DAB2IP: variants seen among roughly 807,000 people sequenced by gnomAD.
DAB2IP encodes the protein disabled homolog 2-interacting protein.
DAB2IP carries 28 observed loss-of-function variants against 107.2 expected under a neutral mutation model. That is an observed-to-expected ratio of 0.26 (90% CI 0.19 to 0.36). The LOEUF (loss-of-function observed/expected upper bound fraction) is 0.36. Among genes scored for constraint, DAB2IP ranks in the 10% least tolerant of loss-of-function variants. The probability of loss-of-function intolerance (pLI) is 1.00; values close to 1 mark genes in which losing one functional copy is unlikely to be tolerated. For synonymous variants in DAB2IP, 755 were observed against 706.4 expected (o/e 1.07, Z -1.09); for missense variants, 1,400 against 1,644.7 (o/e 0.85, Z 2.57).
At chr9:121,650,982 A>T (rs1353942160), upstream of DAB2IP, among the ~76,000 whole-genome samples, 1 of 152,112 alleles carries the variant, frequency 6.6e-6, no homozygotes, top group Non-Finnish European at 1.5e-5. Context: ...AGTGACTTGG[A>T]GAAAGTTTTT....
chr9:121,671,906 C>T (rs991376307), intron 1 of DAB2IP, among the ~76,000 whole-genome samples: 8 of 151,974 alleles, frequency 5.3e-5, no homozygotes, highest in Non-Finnish European at 8.8e-5. Flanking sequence ...CAGATCTCCA[C>T]GTGTGCAGGA....
intron 1 of DAB2IP, among the ~76,000 whole-genome samples, chr9:121,621,813 A>T (rs1448125630): frequency 1.4e-5 from 2 of 143,186 alleles, no homozygotes; most frequent in Non-Finnish European, 1.5e-5. Flanking sequence ...CACCTGGCTA[A>T]TTTTTTTTTT....
intron 1 of DAB2IP, among the ~76,000 whole-genome samples, chr9:121,592,780 A>C (rs911119325): frequency 1.3e-5 from 2 of 152,170 alleles, no homozygotes; most frequent in African/African-American, 4.8e-5. Context: ...CTCCAGACAC[A>C]TCCCTTGGGG....
intron 1 of DAB2IP, among the ~76,000 whole-genome samples, chr9:121,661,606 A>G (rs911491518): frequency 6.6e-6 from 1 of 152,130 alleles, no homozygotes; most frequent in African/African-American, 2.4e-5. Flanking sequence ...GCTCTCTTCC[A>G]GAAGTTATGG....
intron 3 of DAB2IP, among the ~76,000 whole-genome samples, chr9:121,724,525 C>G (rs1404365302): frequency 3.3e-5 from 5 of 152,222 alleles, no homozygotes; most frequent in African/African-American, 1.2e-4. Context: ...ACTTCGTGTA[C>G]TTTTCCCACA....
intron 3 of DAB2IP, among the ~76,000 whole-genome samples, chr9:121,705,632 G>C (rs1339279834): frequency 6.6e-6 from 1 of 152,196 alleles, no homozygotes; most frequent in Non-Finnish European, 1.5e-5. Flanking sequence ...TGCACTTTCT[G>C]TCTGGGTGCA....
At chr9:121,770,689 G>T (rs1050925090) in exon 11 of DAB2IP, 8 of 1,614,072 alleles carry the variant, frequency 5.0e-6, no homozygotes, top group Admixed American at 3.3e-5. Flanking sequence ...TCTCAGCTGG[G>T]CTGCAGAAGA....
chr9:121,671,210 C>G (rs572124524), intron 1 of DAB2IP, among the ~76,000 whole-genome samples: 2 of 152,208 alleles, frequency 1.3e-5, no homozygotes, highest in East Asian at 3.9e-4. Flanking sequence ...GTGGTGCATG[C>G]CTGTAATCCC....
At chr9:121,678,967 G>A (rs1182023042) in intron 2 of DAB2IP, 186 bp downstream of exon 2, 8 of 511,202 alleles carry the variant, frequency 1.6e-5, no homozygotes, top group Admixed American at 8.5e-5. Flanking sequence ...CCCTGGTCCC[G>A]GGGGCCACAT....
At chr9:121,572,216 A>C (rs1206802073) in intron 1 of DAB2IP, among the ~76,000 whole-genome samples, 2 of 151,958 alleles carry the variant, frequency 1.3e-5, no homozygotes, top group Non-Finnish European at 2.9e-5. Flanking sequence ...CCGTCCTCCT[A>C]CCAGGACAGC....
intron 3 of DAB2IP, among the ~76,000 whole-genome samples, chr9:121,717,274 C>G (rs938492657): frequency 3.9e-5 from 6 of 152,230 alleles, no homozygotes; most frequent in African/African-American, 1.2e-4. Flanking sequence ...AGTTGGCCTG[C>G]TGCTTAGCCT....
chr9:121,753,921 C>T (rs558307164), intron 3 of DAB2IP, among the ~76,000 whole-genome samples: 27 of 152,306 alleles, frequency 1.8e-4, no homozygotes, highest in African/African-American at 6.5e-4. Context: ...TGCGCTGCTT[C>T]CCTAGGCTGG....
intron 1 of DAB2IP, among the ~76,000 whole-genome samples, chr9:121,665,461 TG>T (rs1833380333): frequency 6.6e-6 from 1 of 152,230 alleles, no homozygotes; most frequent in Non-Finnish European, 1.5e-5. Flanking sequence ...AAATAATACA[TG>T]TGGATATTTA....
chr9:121,741,574 G>A (rs1454582005), intron 3 of DAB2IP, among the ~76,000 whole-genome samples: 1 of 152,114 alleles, frequency 6.6e-6, no homozygotes, highest in African/African-American at 2.4e-5. Flanking sequence ...CTTTCTCAGT[G>A]TTTCTCACCT....
At chr9:121,663,792 G>A (rs1270309453) in intron 1 of DAB2IP, among the ~76,000 whole-genome samples, 2 of 152,234 alleles carry the variant, frequency 1.3e-5, no homozygotes, top group African/African-American at 2.4e-5. Context: ...GAGGCCAAGG[G>A]CCAGGCGCGA....
intron 3 of DAB2IP, among the ~76,000 whole-genome samples, chr9:121,728,978 A>G (rs952121828): frequency 6.6e-6 from 1 of 152,210 alleles, no homozygotes; most frequent in African/African-American, 2.4e-5. Context: ...CATTATTGTA[A>G]TCACCCAATC....
Position 121,567,938 on chromosome 9 carries a change from C to A in DAB2IP, c.40+710C>A, listed in dbSNP as rs536546276. Reference sequence around the variant, plus strand: ...GGCTGGGATGCCCGGCACAGCCTGGCTGTCTCTGGACAACCAAGGAGGGAC... The same window carrying A: ...GGCTGGGATGCCCGGCACAGCCTGGATGTCTCTGGACAACCAAGGAGGGAC... On this transcript the variant is annotated intron_variant, in intron 1 of 16. Transcript: ENST00000259371. Among the ~76,000 whole-genome samples, 36 of 152,222 alleles carry A rather than the reference C, an allele frequency of 2.4e-4. No homozygotes were observed. In the South Asian group the frequency reaches 7.0e-3, roughly 30 times the overall value.
intron 3 of DAB2IP, among the ~76,000 whole-genome samples, chr9:121,755,117 A>C (rs1833384860): frequency 6.6e-6 from 1 of 152,178 alleles, no homozygotes; most frequent in Non-Finnish European, 1.5e-5. Flanking sequence ...CAGGGAGGGC[A>C]GGCCCACCCA....
chr9:121,650,914 A>ATTAT (rs1832717747), upstream of DAB2IP, among the ~76,000 whole-genome samples: 2 of 152,148 alleles, frequency 1.3e-5, no homozygotes, highest in South Asian at 4.2e-4. Context: ...AATAACAAGG[A>ATTAT]TGTTTAGACG....
Sources: gnomAD v4.1 joint callset for allele counts (sites outside exome capture counted in the v4.1 genomes callset) on GRCh38, gnomAD v4.1.1 for gene constraint, MANE v1.5 for transcripts, NCBI Gene and HGNC (gene_info 2026-07-23, HGNC 2026-07-21) for gene names.